The following ARMC2 variants were observed in gnomAD, a reference collection of about 807,000 sequenced individuals.
ARMC2 encodes the protein armadillo repeat-containing protein 2.
A neutral mutation model predicts 90.3 loss-of-function variants in ARMC2; 67 were observed. The observed-to-expected ratio is 0.74, with a 90% CI of 0.61 to 0.91. The LOEUF (loss-of-function observed/expected upper bound fraction) is 0.91, where lower values mean the gene tolerates loss of function less well. Ranked by LOEUF, ARMC2 falls within the 40% of genes least tolerant of loss-of-function variation. The pLI, the probability that ARMC2 is intolerant of heterozygous loss-of-function variation, is 0.00. For synonymous variants in ARMC2, 393 were observed against 393.0 expected, an observed-to-expected ratio of 1.00 and a Z score of 0.00; for missense variants, 920 against 1,030.9, an observed-to-expected ratio of 0.89 and a Z score of 1.47.
intron 5 of ARMC2, among the ~76,000 whole-genome samples, chr6:108,890,202 A>C (rs11961216): frequency 0.017 from 357 of 21,418 alleles, 25 homozygotes; most frequent in Non-Finnish European, 0.025. Context: ...AAAAAAAAAA[A>C]AAAAAAAAAA....
At position 108,949,527 on chromosome 6, in the gene ARMC2, CA is replaced by C. The variant is rs1777034702; in HGVS notation, c.1597-3501del. Among the ~76,000 whole-genome samples, 3 of 152,290 alleles carry C rather than the reference CA, an allele frequency of 2.0e-5. No homozygotes were observed. In the South Asian group the frequency reaches 6.2e-4, roughly 32 times the overall value. ...CAGGAAACATGTATCAAAGTTCACA[CA>C]AAAATTCTGTTTATAGTCCTCAGCT... On this transcript the variant is annotated intron_variant, in intron 12 of 17. Transcript: ENST00000392644.
At chr6:108,989,595 A>G in the ARMC2 span, among the ~76,000 whole-genome samples, 13 of 143,246 alleles carry the variant, frequency 9.1e-5, no homozygotes, top group Admixed American at 9.0e-4. Flanking sequence ...AGAGAGAGAT[A>G]GAGAGAGATA....
chr6:108,970,726 G>A (rs1778706861), intron 17 of ARMC2, among the ~76,000 whole-genome samples: 1 of 151,556 alleles, frequency 6.6e-6, no homozygotes, highest in Non-Finnish European at 1.5e-5. Flanking sequence ...TTGAACTCCT[G>A]ACCTCAGGTG....
intron 12 of ARMC2, among the ~76,000 whole-genome samples, chr6:108,943,936 GT>G (rs1432484496): frequency 2.0e-5 from 3 of 152,110 alleles, no homozygotes; most frequent in African/African-American, 7.2e-5. Flanking sequence ...AGAAATACAG[GT>G]GCTCAGGCCC....
chr6:108,908,942 T>C (rs892870307), intron 8 of ARMC2, among the ~76,000 whole-genome samples: 2 of 152,156 alleles, frequency 1.3e-5, no homozygotes, highest in Non-Finnish European at 1.5e-5. Context: ...TGGTGGCATG[T>C]GCCTGTAATC....
intron 5 of ARMC2, among the ~76,000 whole-genome samples, chr6:108,880,661 C>T (rs540911102): frequency 6.6e-6 from 1 of 152,084 alleles, no homozygotes; most frequent in Non-Finnish European, 1.5e-5. Flanking sequence ...TTTTGTGAAC[C>T]AATGTGTTCC....
the ARMC2 span, chr6:108,990,911 TA>T: frequency 7.9e-7 from 1 of 1,266,352 alleles, no homozygotes; most frequent in Admixed American, 2.4e-5. Context: ...TGTAGCATGG[TA>T]AAAATCATTG....
intron 8 of ARMC2, among the ~76,000 whole-genome samples, chr6:108,905,257 T>G (rs1459602833): frequency 6.6e-6 from 1 of 152,200 alleles, no homozygotes; most frequent in Non-Finnish European, 1.5e-5. Flanking sequence ...GAATGCCACC[T>G]TTTCTTATTC....
intron 12 of ARMC2, among the ~76,000 whole-genome samples, chr6:108,941,640 A>G (rs1325262026): frequency 6.6e-6 from 1 of 152,190 alleles, no homozygotes; most frequent in African/African-American, 2.4e-5. Flanking sequence ...TTATGGTTTT[A>G]TTACTTTGTA....
chr6:108,898,243 CTCTG>C (rs920129931), intron 6 of ARMC2, among the ~76,000 whole-genome samples: 3 of 149,566 alleles, frequency 2.0e-5, no homozygotes, highest in African/African-American at 5.1e-5. Flanking sequence ...CCGTTTGCTC[CTCTG>C]TCTGTCTCTG....
the ARMC2 span, among the ~76,000 whole-genome samples, chr6:109,022,127 T>A: frequency 1.3e-5 from 2 of 152,096 alleles, no homozygotes; most frequent in Admixed American, 1.3e-4. Context: ...CTTCTTTTAA[T>A]TTCCTATAGA....
chr6:108,926,309 C>A (rs1775097396), intron 10 of ARMC2, among the ~76,000 whole-genome samples: 1 of 152,190 alleles, frequency 6.6e-6, no homozygotes, highest in South Asian at 2.1e-4. Context: ...TTAATGTAAA[C>A]CAGTAGTGCT....
chr6:109,026,132 C>T, the ARMC2 span, among the ~76,000 whole-genome samples: 2 of 151,992 alleles, frequency 1.3e-5, no homozygotes. Context: ...GAATGGAAGC[C>T]AGAGGATCAA....
At chr6:108,865,802 G>A (rs1026781095) in intron 3 of ARMC2, among the ~76,000 whole-genome samples, 3 of 152,040 alleles carry the variant, frequency 2.0e-5, no homozygotes, top group South Asian at 2.1e-4. Flanking sequence ...GAGAGCTTTT[G>A]AGCTCAGGAG....
At chr6:108,963,551 CT>C (rs1778147705) in intron 15 of ARMC2, among the ~76,000 whole-genome samples, 1 of 152,200 alleles carries the variant, frequency 6.6e-6, no homozygotes, top group Non-Finnish European at 1.5e-5. Context: ...AGAATGCACA[CT>C]TTACTCACTC....
At chr6:108,867,053 A>G (rs764204034) in intron 3 of ARMC2, among the ~76,000 whole-genome samples, 2 of 152,198 alleles carry the variant, frequency 1.3e-5, no homozygotes, top group East Asian at 1.9e-4. Context: ...GGATGTTTCA[A>G]AAATTTGTTG....
intron 8 of ARMC2, among the ~76,000 whole-genome samples, chr6:108,904,633 A>G (rs528250989): frequency 8.7e-6 from 1 of 114,754 alleles, no homozygotes; most frequent in South Asian, 3.1e-4. Context: ...ACGTTTTTGG[A>G]CTGCAACTAA....
At chr6:108,889,910 C>G (rs1219300475) in intron 5 of ARMC2, among the ~76,000 whole-genome samples, 2 of 150,542 alleles carry the variant, frequency 1.3e-5, no homozygotes, top group Non-Finnish European at 3.0e-5. Context: ...GGTTCCGGGC[C>G]GGGCGCGGTG....
Position 108,931,067 on chromosome 6 carries a change from C to T in ARMC2, c.1496+2834C>T, listed in dbSNP as rs575831330. Among the ~76,000 whole-genome samples, 7 of 151,880 alleles carry T rather than the reference C, an allele frequency of 4.6e-5. No homozygotes were observed. The East Asian group carries it at 7.7e-4, about 17-fold the overall frequency. On this transcript the variant is annotated intron_variant, in intron 11 of 17. Coordinates refer to ENST00000392644, the MANE Select transcript of ARMC2 (RefSeq NM_032131.6). ...AGAGTTATCTTTTCTGCTCCCCTCC[C>T]TCCTCCCACCCTCCACCCTCAAGTA...
Sources: allele counts gnomAD v4.1 joint callset (sites outside exome capture counted in the v4.1 genomes callset), GRCh38; gene constraint gnomAD v4.1.1; transcripts MANE v1.5; gene names NCBI Gene and HGNC (gene_info 2026-07-23, HGNC 2026-07-21).